The following COL27A1 variants were observed in gnomAD, a reference collection of about 807,000 sequenced individuals.
COL27A1 encodes collagen type XXVII alpha 1 chain.
COL27A1 carries 106 observed loss-of-function variants against 251.3 expected under a neutral mutation model. The observed-to-expected ratio is 0.42, with a 90% CI of 0.36 to 0.50. COL27A1 has a LOEUF of 0.50. COL27A1 is among the 20% of genes least tolerant of loss of function. The probability of loss-of-function intolerance (pLI) is 0.00; values close to 1 mark genes in which losing one functional copy is unlikely to be tolerated. For missense variants in COL27A1, 2,325 were observed against 2,522.8 expected (o/e 0.92, Z 1.68); for synonymous variants, 1,000 against 986.3 (o/e 1.01, Z -0.26).
intron 7 of COL27A1, among the ~76,000 whole-genome samples, chr9:114,198,831 C>T (rs1191410817): frequency 6.6e-6 from 1 of 152,184 alleles, no homozygotes; most frequent in Non-Finnish European, 1.5e-5. Context: ...CCGCTCTGTC[C>T]CTCTCCTGCT....
intron 3 of COL27A1, among the ~76,000 whole-genome samples, chr9:114,172,077 G>C (rs983257619): frequency 2.0e-5 from 3 of 152,194 alleles, no homozygotes; most frequent in African/African-American, 7.2e-5. Flanking sequence ...TGACATCCCT[G>C]TCTCAGGCCC....
At position 114,240,423 on chromosome 9, in the gene COL27A1, C is replaced by G; in HGVS notation, c.2782-11C>G. 6.2e-7 allele frequency: 1 copy of G among 1,613,432 alleles called. No individual in the cohort carries two copies. Among genetic ancestry groups the G allele is most frequent in the Non-Finnish European group, 8.5e-7 (1 of 1,179,736 alleles). ...GCCTCTGAGACTCCCTTTTTGTTCC[C>G]TTCTCCCCAGGGTAAGCCTGGAGCC... On this transcript the variant is annotated splice_polypyrimidine_tract_variant and intron_variant, in intron 20 of 60. Coordinates refer to ENST00000356083, the MANE Select transcript of COL27A1 (RefSeq NM_032888.4).
At chr9:114,173,731 T>C (rs1849490233) in intron 3 of COL27A1, among the ~76,000 whole-genome samples, 1 of 152,040 alleles carries the variant, frequency 6.6e-6, no homozygotes, top group Non-Finnish European at 1.5e-5. Flanking sequence ...AAAGCACATA[T>C]GAAACCTGGG....
chr9:114,211,063 G>A (rs373140591), intron 12 of COL27A1, 37 bp downstream of exon 12: 99 of 1,609,992 alleles, frequency 6.1e-5, no homozygotes, highest in South Asian at 4.0e-4. Context: ...AGACTCTAGC[G>A]GGGAACCCCA....
chr9:114,204,659 G>A (rs963310895), intron 7 of COL27A1, among the ~76,000 whole-genome samples: 1 of 152,098 alleles, frequency 6.6e-6, no homozygotes, highest in Non-Finnish European at 1.5e-5. Flanking sequence ...GAAAGGGGAG[G>A]GAATCCCAGC....
At chr9:114,286,905 C>A (rs1024952289) in intron 41 of COL27A1, among the ~76,000 whole-genome samples, 1 of 152,128 alleles carries the variant, frequency 6.6e-6, no homozygotes, top group Admixed American at 6.5e-5. Flanking sequence ...GTAGTCCCAG[C>A]GGCATAGTTA....
chr9:114,204,693 G>C (rs1041938235), intron 7 of COL27A1, among the ~76,000 whole-genome samples: 6 of 152,256 alleles, frequency 3.9e-5, no homozygotes, highest in Non-Finnish European at 8.8e-5. Flanking sequence ...TGGTGGCTCA[G>C]CACAGTCCAG....
chr9:114,250,790 T>G (rs1269298978), intron 25 of COL27A1, 122 bp downstream of exon 25: 1 of 815,814 alleles, frequency 1.2e-6, no homozygotes, highest in African/African-American at 1.7e-5. Context: ...TCTCCTGACC[T>G]GGCATTCTGA....
At chr9:114,193,275 G>A (rs1039489190) in intron 5 of COL27A1, among the ~76,000 whole-genome samples, 1 of 152,148 alleles carries the variant, frequency 6.6e-6, no homozygotes, top group African/African-American at 2.4e-5. Flanking sequence ...GATCAGGTTT[G>A]GCCAAAGGAG....
intron 7 of COL27A1, among the ~76,000 whole-genome samples, chr9:114,196,699 T>A (rs1564455837): frequency 6.6e-6 from 1 of 152,202 alleles, no homozygotes; most frequent in Non-Finnish European, 1.5e-5. Flanking sequence ...GCTGTTGTTA[T>A]GTCACGCCCA....
intron 14 of COL27A1, among the ~76,000 whole-genome samples, 200 bp downstream of exon 14, chr9:114,222,467 G>A (rs1210587413): frequency 6.6e-6 from 1 of 151,824 alleles, no homozygotes. Flanking sequence ...AGGGGAGGGC[G>A]GGCGGCTGAG....
At chr9:114,174,221 G>A (rs1849528543) in intron 3 of COL27A1, among the ~76,000 whole-genome samples, 1 of 152,066 alleles carries the variant, frequency 6.6e-6, no homozygotes, top group Admixed American at 6.6e-5. Context: ...TCCAGGCAGG[G>A]CCCAGACTCA....
chr9:114,245,987 C>T, intron 24 of COL27A1, 77 bp downstream of exon 24: 2 of 1,275,532 alleles, frequency 1.6e-6, no homozygotes, highest in East Asian at 4.7e-5. Flanking sequence ...TTGCCCAGCA[C>T]CCTCCATGCA....
chr9:114,225,797 C>A (rs1831430276), intron 14 of COL27A1, among the ~76,000 whole-genome samples: 1 of 152,256 alleles, frequency 6.6e-6, no homozygotes, highest in Non-Finnish European at 1.5e-5. Context: ...CCAAACCTTC[C>A]TTCCGTCCCC....
At chr9:114,182,361 G>A (rs1236312623) in intron 4 of COL27A1, among the ~76,000 whole-genome samples, 1 of 151,486 alleles carries the variant, frequency 6.6e-6, no homozygotes, top group Admixed American at 6.6e-5. Flanking sequence ...AGGCGACAGA[G>A]CAAGACCCTG....
intron 41 of COL27A1, among the ~76,000 whole-genome samples, chr9:114,285,689 C>A (rs1827426212): frequency 2.0e-5 from 3 of 152,218 alleles, no homozygotes; most frequent in Admixed American, 2.0e-4. Context: ...GCCACCCGCC[C>A]CAGCCGATTC....
At chr9:114,284,140 G>C (rs1836108002) in intron 40 of COL27A1, among the ~76,000 whole-genome samples, 5 of 152,236 alleles carry the variant, frequency 3.3e-5, no homozygotes. Flanking sequence ...AGAAACCAGG[G>C]CTCAGAGAGA....
At chr9:114,279,371 C>G (rs1162353493) in intron 37 of COL27A1, among the ~76,000 whole-genome samples, 1 of 152,202 alleles carries the variant, frequency 6.6e-6, no homozygotes, top group Non-Finnish European at 1.5e-5. Flanking sequence ...GAGAACACAG[C>G]ACATGGCCCG....
In COL27A1 at chr9:114,290,888, C is replaced by T; in HGVS notation, c.4447C>T (p.Pro1483Ser). The change falls in exon 48 of 61, where the codon CCT becomes TCT. Residue 1483 changes from proline to serine, a missense_variant. Around this residue, in one of 4 missense-constraint regions of COL27A1, gnomAD observed 153 missense variants for 140.7 expected, o/e 1.09. Coordinates refer to ENST00000356083, the MANE Select transcript of COL27A1 (RefSeq NM_032888.4). This position sits in a 1 kb window ranked among gnomAD's most constrained non-coding sequence, Gnocchi z 4.6. Reference sequence around the variant, plus strand: ...AGGAAATCCAGGTGTGGCCGGCTTACCTGGAGCACAGGGACCCCCAGGATT... The same window carrying T: ...AGGAAATCCAGGTGTGGCCGGCTTATCTGGAGCACAGGGACCCCCAGGATT... ...KRGNPGVAGL[P>S]GAQGPPGFKG... 6.4e-7 allele frequency: 1 copy of T among 1,551,694 alleles called. No homozygotes were observed. Among genetic ancestry groups the T allele is most frequent in the Non-Finnish European group, 8.7e-7 (1 of 1,147,004 alleles).
Sources: gnomAD v4.1 joint callset for allele counts (sites outside exome capture counted in the v4.1 genomes callset) on GRCh38, gnomAD v4.1.1 for gene constraint, gnomAD v4.1.1 regional missense constraint, Gnocchi (gnomAD v3.1) non-coding constraint, MANE v1.5 for transcripts, NCBI Gene and HGNC (gene_info 2026-07-23, HGNC 2026-07-21) for gene names.